BIRC6: variants seen among roughly 807,000 people sequenced by gnomAD.
The protein encoded by BIRC6 is baculoviral IAP repeat containing 6, also known as dual E2 ubiquitin-conjugating enzyme/E3 ubiquitin-protein ligase BIRC6.
BIRC6 carries 98 observed loss-of-function variants against 503.3 expected under a neutral mutation model. The ratio of observed to expected loss-of-function variants is 0.19; its 90% confidence interval spans 0.17 to 0.23. The LOEUF is 0.23. Ranked by LOEUF, BIRC6 falls within the 10% of genes least tolerant of loss-of-function variation. The probability of loss-of-function intolerance (pLI) is 1.00; values close to 1 mark genes in which losing one functional copy is unlikely to be tolerated. For missense variants in BIRC6, 5,360 were observed against 5,806.0 expected (o/e 0.92, Z 2.50); for synonymous variants, 2,240 against 2,078.7 (o/e 1.08, Z -2.11).
chr2:32,572,547 G>A (rs1033427853), intron 65 of BIRC6, among the ~76,000 whole-genome samples: 1 of 152,152 alleles, frequency 6.6e-6, no homozygotes, highest in Admixed American at 6.5e-5. Context: ...CTATATGTGA[G>A]TCTAGCTTTT....
intron 45 of BIRC6, among the ~76,000 whole-genome samples, chr2:32,494,666 C>T (rs2052212417): frequency 6.6e-6 from 1 of 151,926 alleles, no homozygotes; most frequent in Non-Finnish European, 1.5e-5. Context: ...CCCTGGGAGG[C>T]TGAGGCGGGA....
At position 32,441,966 on chromosome 2, in the gene BIRC6, T is replaced by C. The variant is rs1272180108; in HGVS notation, c.3945-99T>C. The C allele has an allele frequency of 5.6e-6, 5 of 886,404 alleles. No homozygotes were observed. In the East Asian group the frequency reaches 1.3e-4, roughly 23 times the overall value. 54.9% of individuals were successfully genotyped at this position (886,404 alleles called of 1,614,324 possible). A position where few individuals can be genotyped will look rare whatever the true frequency, so the allele number is the denominator to read the frequency against. On this transcript the variant is annotated intron_variant, in intron 17 of 73. Coordinates refer to ENST00000421745, the MANE Select transcript of BIRC6 (RefSeq NM_016252.4). ...TTGTTTTTAAATGTACTTGAGATGTTCATGAATTAAAATTAAACATTGCCT... is the reference window on the plus strand; with the variant it reads ...TTGTTTTTAAATGTACTTGAGATGTCCATGAATTAAAATTAAACATTGCCT...
intron 45 of BIRC6, among the ~76,000 whole-genome samples, chr2:32,497,529 AT>A (rs2052619102): frequency 1.3e-5 from 2 of 152,012 alleles, no homozygotes; most frequent in Non-Finnish European, 2.9e-5. Context: ...TTTTCAACTT[AT>A]TTTCTAGGTC....
chr2:32,615,854 C>T (rs925646108), intron 73 of BIRC6, among the ~76,000 whole-genome samples: 1 of 152,042 alleles, frequency 6.6e-6, no homozygotes, highest in East Asian at 1.9e-4. Context: ...AGGATGGTCT[C>T]GATCTTTTGA....
intron 49 of BIRC6, among the ~76,000 whole-genome samples, chr2:32,504,210 C>G (rs1343360805): frequency 6.6e-6 from 1 of 151,920 alleles, no homozygotes; most frequent in African/African-American, 2.4e-5. Flanking sequence ...TAAAGTAGTA[C>G]TATCTTTTTT....
chr2:32,445,951 G>A (rs896556872), intron 21 of BIRC6, among the ~76,000 whole-genome samples: 1 of 151,794 alleles, frequency 6.6e-6, no homozygotes, highest in Non-Finnish European at 1.5e-5. Flanking sequence ...TCCATCTCCC[G>A]GGTTCAAGCG....
intron 23 of BIRC6, among the ~76,000 whole-genome samples, chr2:32,457,225 A>G (rs1395005888): frequency 6.6e-6 from 1 of 152,136 alleles, no homozygotes; most frequent in Admixed American, 6.5e-5. Context: ...TATACTTTTT[A>G]TAAGTGGCAT....
At chr2:32,568,733 A>G (rs1173228413) in intron 65 of BIRC6, among the ~76,000 whole-genome samples, 1 of 151,754 alleles carries the variant, frequency 6.6e-6, no homozygotes, top group Non-Finnish European at 1.5e-5. Context: ...AATCCCAGCC[A>G]CTTGGGAGGC....
intron 66 of BIRC6, among the ~76,000 whole-genome samples, chr2:32,581,780 AAGG>A (rs1245262238): frequency 6.6e-6 from 1 of 152,260 alleles, no homozygotes; most frequent in Admixed American, 6.5e-5. Context: ...TGTCCATCAA[AAGG>A]AGGATTGTTT....
At position 32,448,913 on chromosome 2, in the gene BIRC6, T is replaced by C; in HGVS notation, c.4603T>C (p.Ser1535Pro). 6.2e-7 allele frequency: 1 copy of C among 1,612,210 alleles called. No individual in the cohort carries two copies. Among genetic ancestry groups the C allele is most frequent in the Non-Finnish European group, 8.5e-7 (1 of 1,179,408 alleles). Residue 1535 changes from serine to proline, a missense_variant, in exon 22 of 74, where the codon TCA becomes CCA. Coordinates refer to ENST00000421745, the MANE Select transcript of BIRC6 (RefSeq NM_016252.4). Reference protein sequence around the residue: ...IGVQSDEIDLSDVLSGNGKVS... With the variant: ...IGVQSDEIDLPDVLSGNGKVS... ...TGTCCAGTCAGATGAAATTGATTTA[T>C]CAGATGTCCTTTCAGGTAGTGATTT...
chr2:32,512,576 A>G (rs900316642), intron 53 of BIRC6, among the ~76,000 whole-genome samples: 1 of 152,212 alleles, frequency 6.6e-6, no homozygotes, highest in Non-Finnish European at 1.5e-5. Flanking sequence ...GTCAGAATGA[A>G]TGAGTGTGGG....
chr2:32,531,465 T>A lies in BIRC6; in HGVS notation c.12205T>A (p.Ser4069Thr). 2 of 1,613,882 alleles carry A rather than the reference T, an allele frequency of 1.2e-6. No homozygotes were observed. The highest frequency in any genetic ancestry group is 2.2e-5 in the East Asian group (1 of 44,856). ...TTTGCTTGAAACCTGTCCAATTCAG[T>A]CACCATTACAAGTTTTTGCAGGAAT... Reference protein sequence around the residue: ...ESLLETCPIQSPLQVFAGMGG... With the variant: ...ESLLETCPIQTPLQVFAGMGG... Residue 4069 changes from serine (S) to threonine (T), a missense_variant, in exon 61 of 74, where the codon TCA (serine) becomes ACA (threonine). Physicochemically the swap from Ser to Thr is moderately conservative, Grantham distance 58. This residue lies in a region of BIRC6 where 878 missense variants were observed against 928.9 expected (regional missense o/e 0.95). Transcript: ENST00000421745.
At chr2:32,591,564 A>G (rs1339162281) in intron 66 of BIRC6, among the ~76,000 whole-genome samples, 2 of 152,210 alleles carry the variant, frequency 1.3e-5, no homozygotes, top group Non-Finnish European at 2.9e-5. Flanking sequence ...TTCATGCTCC[A>G]TGCTAAAGAT....
intron 3 of BIRC6, 121 bp from the exon 4 acceptor site, chr2:32,388,629 A>C (rs1286835664): frequency 1.4e-6 from 1 of 704,500 alleles, no homozygotes; most frequent in Non-Finnish European, 2.2e-6. Context: ...TAAATGATAA[A>C]CTAATGAAGA....
intron 66 of BIRC6, among the ~76,000 whole-genome samples, chr2:32,582,534 C>T (rs1329440422): frequency 6.6e-6 from 1 of 152,106 alleles, no homozygotes; most frequent in Non-Finnish European, 1.5e-5. Flanking sequence ...GAGGCCGAGG[C>T]AGGTGGATCA....
chr2:32,393,696 T>C (rs2039527165), intron 5 of BIRC6, among the ~76,000 whole-genome samples: 1 of 152,146 alleles, frequency 6.6e-6, no homozygotes, highest in Admixed American at 6.6e-5. Context: ...ATTCTGTTTA[T>C]TTTTTGTAGA....
intron 68 of BIRC6, among the ~76,000 whole-genome samples, chr2:32,596,453 A>AGC: frequency 7.2e-6 from 1 of 138,546 alleles, no homozygotes; most frequent in East Asian, 2.1e-4. Context: ...TGGGCGACAG[A>AGC]GCAAGTCTCC....
At chr2:32,405,021 A>G (rs1337104376) in intron 8 of BIRC6, among the ~76,000 whole-genome samples, 1 of 152,174 alleles carries the variant, frequency 6.6e-6, no homozygotes, top group African/African-American at 2.4e-5. Flanking sequence ...TAAGGCTTTT[A>G]TCTGGCAACT....
chr2:32,611,749 AT>A (rs202213695), intron 73 of BIRC6, among the ~76,000 whole-genome samples, 167 bp downstream of exon 73: 2 of 151,772 alleles, frequency 1.3e-5, no homozygotes, highest in East Asian at 1.9e-4. Context: ...GAAAAGATAC[AT>A]TTTTTTTTGG....
Sources: allele counts gnomAD v4.1 joint callset (sites outside exome capture counted in the v4.1 genomes callset), GRCh38; gene constraint gnomAD v4.1.1; regional missense constraint gnomAD v4.1.1; transcripts MANE v1.5; gene names NCBI Gene and HGNC (gene_info 2026-07-23, HGNC 2026-07-21).